Variants in RB1 observed in about 807,000 individuals in gnomAD.
The protein encoded by RB1 is retinoblastoma-associated protein.
RB1 carries 18 observed loss-of-function variants against 135.4 expected under a neutral mutation model. The ratio of observed to expected loss-of-function variants is 0.13; its 90% CI spans 0.09 to 0.20. The LOEUF is 0.20. Among genes scored for constraint, RB1 ranks in the 10% least tolerant of loss-of-function variants. The pLI, the probability that RB1 is intolerant of heterozygous loss-of-function variation, is 1.00. For synonymous variants in RB1, 365 were observed against 373.2 expected, an observed-to-expected ratio of 0.98 and a Z score of 0.25; for missense variants, 868 against 1,110.0, an observed-to-expected ratio of 0.78 and a Z score of 3.10.
chr13:48,439,120 A>G (rs1413483357), intron 17 of RB1, among the ~76,000 whole-genome samples: 1 of 152,194 alleles, frequency 6.6e-6, no homozygotes, highest in Non-Finnish European at 1.5e-5. Flanking sequence ...ATAGCAGCTA[A>G]CGGCACAAGT....
At position 48,319,085 on chromosome 13, in the gene RB1, A is replaced by T. The variant is rs1952212077; in HGVS notation, c.264+11679A>T. The T allele has an allele frequency of 2.0e-5, 12 of 613,962 alleles. No homozygotes were observed. The highest frequency in any genetic ancestry group is 1.7e-4 in the South Asian group (11 of 66,200). The allele number at this position is 613,962 out of a possible 1,614,324, so 38.0% of individuals were successfully genotyped here. On this transcript the variant is annotated intron_variant, in intron 2 of 26. Transcript: ENST00000267163. The surrounding 1 kb of genome is among the most constrained non-coding windows in gnomAD (Gnocchi z 5.0). ...GTCTGCCTGGCACGAGGACCGTTCTACAAACTCGTTCCTGGAAGCCGGGCT... is the reference window on the plus strand; with the variant it reads ...GTCTGCCTGGCACGAGGACCGTTCTTCAAACTCGTTCCTGGAAGCCGGGCT...
intron 2 of RB1, chr13:48,317,796 TG>T: frequency 2.7e-6 from 1 of 366,818 alleles, no homozygotes; most frequent in Non-Finnish European, 5.1e-6. Context: ...CTGCCGGCTG[TG>T]GGACCCCCCT....
intron 2 of RB1, among the ~76,000 whole-genome samples, chr13:48,320,634 C>A (rs1217145040): frequency 2.0e-5 from 3 of 152,224 alleles, no homozygotes; most frequent in Non-Finnish European, 4.4e-5. Flanking sequence ...AGTTTGAGAC[C>A]CGCCTGGCCA....
chr13:48,441,274 A>G (rs533842615), intron 17 of RB1, among the ~76,000 whole-genome samples: 21 of 152,310 alleles, frequency 1.4e-4, no homozygotes, highest in African/African-American at 4.8e-4. Flanking sequence ...AAGGGTACTA[A>G]TCATCCTTTT....
chr13:48,325,551 C>G (rs1952280282), intron 2 of RB1, among the ~76,000 whole-genome samples: 1 of 152,192 alleles, frequency 6.6e-6, no homozygotes, highest in East Asian at 1.9e-4. Context: ...TCATTCCTTT[C>G]CCTAAGCCAC....
chr13:48,349,032 A>AT lies in RB1; in HGVS notation c.607+11dup. The AT allele has an allele frequency of 6.3e-7, 1 of 1,585,388 alleles. No homozygotes were observed. Among genetic ancestry groups the AT allele is most frequent in the Non-Finnish European group, 8.6e-7 (1 of 1,162,312 alleles). On this transcript the variant is annotated intron_variant, in intron 6 of 26. Transcript: ENST00000267163. The stretch of plus-strand genomic sequence containing the variant: ...ATTTTTATTAGCTAAAGGTAAGTTC[A>AT]TTATATTTATTAAATGCTAATATTT...
intron 17 of RB1, chr13:48,416,284 A>G (rs1363528270): frequency 6.6e-6 from 1 of 152,256 alleles, no homozygotes; most frequent in Non-Finnish European, 1.5e-5. Context: ...ATGGAAGGCG[A>G]GCCAAAGCAG....
At chr13:48,347,729 A>G in intron 4 of RB1, 96 bp from the exon 5 acceptor site, 1 of 837,106 alleles carries the variant, frequency 1.2e-6, no homozygotes, top group Non-Finnish European at 1.9e-6. Flanking sequence ...TTTAAAATAT[A>G]TACTTCTTAA....
chr13:48,463,278 A>G (rs1387084935), intron 20 of RB1, among the ~76,000 whole-genome samples: 1 of 152,224 alleles, frequency 6.6e-6, no homozygotes, highest in Non-Finnish European at 1.5e-5. Flanking sequence ...CAAGAAACAA[A>G]ACATTGTCAG....
At chr13:48,312,937 G>A (rs1214445153) in intron 2 of RB1, among the ~76,000 whole-genome samples, 4 of 152,060 alleles carry the variant, frequency 2.6e-5, no homozygotes, top group Non-Finnish European at 4.4e-5. Flanking sequence ...CCCACTCTCA[G>A]TAGCCTCCAT....
At chr13:48,415,480 A>G (rs940794393) in intron 17 of RB1, among the ~76,000 whole-genome samples, 1 of 151,932 alleles carries the variant, frequency 6.6e-6, no homozygotes, top group Admixed American at 6.6e-5. Context: ...GGGTTTTACC[A>G]TGTGGCCAGG....
rs1952727463 is a variant in RB1, at chr13:48,368,594, A to T, written c.1117A>T (p.Thr373Ser). Reference sequence around the variant, plus strand: ...AGAGGTGAATGTAATTCCTCCACACACTCCAGTTAGGTATGAATTTTCCTA... The same window carrying T: ...AGAGGTGAATGTAATTCCTCCACACTCTCCAGTTAGGTATGAATTTTCCTA... ...DEEVNVIPPH[T>S]PVRTVMNTIQ... The change falls in exon 11 of 27, where the codon ACT becomes TCT. Residue 373 changes from threonine to serine, a missense_variant. This residue lies in a region of RB1 where 641 missense variants were observed against 791.3 expected (regional missense o/e 0.81). Transcript: ENST00000267163. The T allele has an allele frequency of 2.5e-6, 4 of 1,612,812 alleles. No homozygotes were observed. The highest frequency in any genetic ancestry group is 3.4e-6 in the Non-Finnish European group (4 of 1,179,512).
At chr13:48,332,548 G>T (rs1952346941) in intron 2 of RB1, among the ~76,000 whole-genome samples, 1 of 152,176 alleles carries the variant, frequency 6.6e-6, no homozygotes, top group African/African-American at 2.4e-5. Context: ...TCCAGTCTGG[G>T]TGACAGAGTG....
intron 2 of RB1, among the ~76,000 whole-genome samples, chr13:48,335,536 C>A (rs1952375918): frequency 6.6e-6 from 1 of 151,604 alleles, no homozygotes; most frequent in African/African-American, 2.4e-5. Context: ...TGTACCTTAA[C>A]AAAATGTCCT....
intron 13 of RB1, among the ~76,000 whole-genome samples, chr13:48,377,244 G>C (rs556975825): frequency 1.6e-3 from 242 of 152,074 alleles, no homozygotes; most frequent in African/African-American, 5.5e-3. Flanking sequence ...ATGTAATAAA[G>C]GAACACATAG....
chr13:48,312,633 C>T lies in RB1; in HGVS notation c.264+5227C>T, dbSNP rs184895439. On this transcript the variant is annotated intron_variant, in intron 2 of 26. Transcript: ENST00000267163. ...AGACTCCTTCTATTTTAAACCTATC[C>T]GTTCAGTCTCAAGTTATCTTTTTGC... 7.0e-4 allele frequency among the ~76,000 whole-genome samples: 107 copies of T among 152,260 alleles called. 1 individual carries two copies. The highest frequency in any genetic ancestry group is 2.1e-3 in the Admixed American group (32 of 15,300).
At chr13:48,338,729 C>T (rs1001153813) in intron 2 of RB1, among the ~76,000 whole-genome samples, 3 of 152,226 alleles carry the variant, frequency 2.0e-5, no homozygotes, top group Non-Finnish European at 2.9e-5. Context: ...CGAGGAGCTG[C>T]GTTCCTTTGG....
intron 17 of RB1, among the ~76,000 whole-genome samples, chr13:48,428,596 C>T (rs1432751882): frequency 6.6e-6 from 1 of 152,196 alleles, no homozygotes; most frequent in Non-Finnish European, 1.5e-5. Flanking sequence ...AATGAGTAAG[C>T]TCTGCAGACT....
intron 3 of RB1, 114 bp downstream of exon 3, chr13:48,342,828 A>G (rs369249642): frequency 4.0e-6 from 3 of 741,266 alleles, no homozygotes; most frequent in South Asian, 3.3e-5. Context: ...AGTAAAACAA[A>G]AAGAACTTGG....
Sources: gnomAD v4.1 joint callset for allele counts (sites outside exome capture counted in the v4.1 genomes callset) on GRCh38, gnomAD v4.1.1 for gene constraint, gnomAD v4.1.1 regional missense constraint, Gnocchi (gnomAD v3.1) non-coding constraint, MANE v1.5 for transcripts, NCBI Gene and HGNC (gene_info 2026-07-23, HGNC 2026-07-21) for gene names.